Variants in ADCY6 observed in about 807,000 individuals in gnomAD.
ADCY6 encodes the protein adenylate cyclase 6.
ADCY6 carries 59 observed loss-of-function variants against 111.6 expected under a neutral mutation model. The observed-to-expected ratio is 0.53, with a 90% confidence interval of 0.43 to 0.66. ADCY6 has a LOEUF of 0.66. Among genes scored for constraint, ADCY6 ranks in the 30% least tolerant of loss-of-function variants. The pLI is 0.00. For synonymous variants in ADCY6, 576 were observed against 642.9 expected (o/e 0.90, Z 1.57); for missense variants, 1,242 against 1,595.6 (o/e 0.78, Z 3.78).
intron 12 of ADCY6, 52 bp from the exon 13 acceptor site, chr12:48,774,830 T>C (rs1419858077): frequency 6.3e-7 from 1 of 1,578,980 alleles, no homozygotes; most frequent in Non-Finnish European, 8.6e-7. Flanking sequence ...GATCTGGGCA[T>C]TCTTGTCCCA....
Position 48,783,436 on chromosome 12 carries a change from T to C in ADCY6, c.-2A>G. On this transcript the variant is annotated splice_region_variant and 5_prime_UTR_variant, in exon 2 of 22. Transcript: ENST00000357869. ...CAGGAGGCCACTAAACCATGACATG[T>C]TGCTGGTAGGGAAGGAAGGAGATAG... is the stretch of plus-strand genomic sequence containing the variant. The C allele has an allele frequency of 6.2e-7, 1 of 1,614,174 alleles. No homozygotes were observed. Among genetic ancestry groups the C allele is most frequent in the Non-Finnish European group, 8.5e-7 (1 of 1,180,018 alleles).
Position 48,777,567 on chromosome 12 carries a change from A to C in ADCY6, c.1137-46T>G. 1 of 1,612,668 alleles carries C rather than the reference A, an allele frequency of 6.2e-7. No homozygotes were observed. Among genetic ancestry groups the C allele is most frequent in the South Asian group, 1.1e-5 (1 of 91,062 alleles). The stretch of plus-strand genomic sequence containing the variant: ...TGAACAGAACACATAGCCCTCAAAG[A>C]CTTCCAGACCCCCCGCCCTGCTGGG... On this transcript the variant is annotated intron_variant, in intron 4 of 21. Coordinates refer to ENST00000357869, the MANE Select transcript of ADCY6 (RefSeq NM_015270.5). The surrounding 1 kb of genome is among the most constrained non-coding windows in gnomAD (Gnocchi z 4.9).
At chr12:48,773,895 C>G in intron 15 of ADCY6, 45 bp downstream of exon 15, 1 of 1,602,452 alleles carries the variant, frequency 6.2e-7, no homozygotes. Flanking sequence ...GGGCCAATGT[C>G]TGTGCCAGGA....
chr12:48,777,303 C>T lies in ADCY6; in HGVS notation c.1249-72G>A. 1 of 1,592,960 alleles carries T rather than the reference C, an allele frequency of 6.3e-7. No individual in the cohort carries two copies. ...CCACCCAGCCTGCATGGCCCACCAC[C>T]CTCCACGCATACTCTATCTGCCCTC... On this transcript the variant is annotated intron_variant, in intron 5 of 21. Coordinates refer to ENST00000357869, the MANE Select transcript of ADCY6 (RefSeq NM_015270.5). The surrounding 1 kb of genome is among the most constrained non-coding windows in gnomAD (Gnocchi z 4.9).
At position 48,777,323 on chromosome 12, in the gene ADCY6, G is replaced by A; in HGVS notation, c.1248+87C>T. 6.3e-7 allele frequency: 1 copy of A among 1,597,126 alleles called. No individual in the cohort carries two copies. Among genetic ancestry groups the A allele is most frequent in the Non-Finnish European group, 8.5e-7 (1 of 1,170,122 alleles). On this transcript the variant is annotated intron_variant, in intron 5 of 21. Coordinates refer to ENST00000357869, the MANE Select transcript of ADCY6 (RefSeq NM_015270.5). The surrounding 1 kb of genome is among the most constrained non-coding windows in gnomAD (Gnocchi z 4.9). Reference sequence around the variant, plus strand: ...ACCACCCTCCACGCATACTCTATCTGCCCTCAAATCCCCAGCTGCTGCCAG... The same window carrying A: ...ACCACCCTCCACGCATACTCTATCTACCCTCAAATCCCCAGCTGCTGCCAG...
chr12:48,787,335 G>C (rs1339278612), intron 1 of ADCY6, among the ~76,000 whole-genome samples: 1 of 150,768 alleles, frequency 6.6e-6, no homozygotes, highest in Non-Finnish European at 1.5e-5. Flanking sequence ...ACACATCCTA[G>C]CATCTGGCTC....
chr12:48,772,030 G>A, intron 18 of ADCY6, 57 bp from the exon 19 acceptor site: 2 of 1,559,518 alleles, frequency 1.3e-6, no homozygotes, highest in Middle Eastern at 1.7e-4. Context: ...TAGGTGTGGT[G>A]GCCAAGGCTT....
At position 48,776,407 on chromosome 12, in the gene ADCY6, C is replaced by A. The variant is rs375042832; in HGVS notation, c.1535+21G>T. 5.1e-5 allele frequency: 82 copies of A among 1,612,614 alleles called. No homozygotes were observed. Among genetic ancestry groups the A allele is most frequent in the South Asian group, 3.3e-4 (30 of 91,004 alleles). The stretch of plus-strand genomic sequence containing the variant: ...TCTCCCACCTTGCCCCCATCCCCCC[C>A]ACCTGGACCCCCCTACTCACCCAGC... On this transcript the variant is annotated intron_variant, in intron 7 of 21. Transcript: ENST00000357869. This position sits in a 1 kb window ranked among gnomAD's most constrained non-coding sequence, Gnocchi z 6.1.
intron 2 of ADCY6, among the ~76,000 whole-genome samples, chr12:48,778,872 ATTTTTTTTTTTT>A (rs1037254707): frequency 8.3e-5 from 6 of 72,412 alleles, no homozygotes; most frequent in African/African-American, 1.2e-4. Flanking sequence ...TGAATAACAC[ATTTTTTTTTTTT>A]TTTTTTTTTT....
rs1175078168 is a variant in ADCY6, at chr12:48,782,482, C to T, written c.864+89G>A. 1.4e-5 allele frequency: 21 copies of T among 1,492,770 alleles called. No homozygotes were observed. The highest frequency in any genetic ancestry group is 1.8e-5 in the Non-Finnish European group (20 of 1,120,050). 92.5% of individuals were successfully genotyped at this position (1,492,770 alleles called of 1,614,324 possible). ...GCACCCAGCTTCCACCCATGACTCA[C>T]CCGCCCTTCCTCACTAAGCCCCCAC... On this transcript the variant is annotated intron_variant, in intron 2 of 21. Transcript: ENST00000357869. This position sits in a 1 kb window ranked among gnomAD's most constrained non-coding sequence, Gnocchi z 4.3.
In ADCY6 at chr12:48,774,600, G is replaced by A. The variant is rs2137352893; in HGVS notation, c.2167-82C>T. The A allele has an allele frequency of 2.6e-5, 40 of 1,567,494 alleles. No individual in the cohort carries two copies. The South Asian group carries it at 4.3e-4, about 17-fold the overall frequency. ...ACCAGGGATGGGGCCCAGTGGAAGA[G>A]GCATGGCCTTCTCCCTCTCCCCATG... On this transcript the variant is annotated intron_variant, in intron 13 of 21. Transcript: ENST00000357869.
chr12:48,780,613 C>A (rs577120086), intron 2 of ADCY6, among the ~76,000 whole-genome samples: 1 of 152,182 alleles, frequency 6.6e-6, no homozygotes, highest in South Asian at 2.1e-4. Context: ...TGGGACTGCA[C>A]CTCCCCAGTC....
chr12:48,776,609 C>A lies in ADCY6; in HGVS notation c.1377-23G>T. The A allele has an allele frequency of 6.3e-7, 1 of 1,587,766 alleles. No homozygotes were observed. The stretch of plus-strand genomic sequence containing the variant: ...AGCCTGGGAGGATGCAGCCCCAGAT[C>A]AGCTCCTGGCAGTCTTCCCCTCCCC... On this transcript the variant is annotated intron_variant, in intron 6 of 21. Transcript: ENST00000357869. This position sits in a 1 kb window ranked among gnomAD's most constrained non-coding sequence, Gnocchi z 6.1.
Position 48,782,742 on chromosome 12 carries a change from G to A in ADCY6, c.693C>T (p.Asp231=), listed in dbSNP as rs1941877981. The A allele has an allele frequency of 6.2e-7, 1 of 1,605,622 alleles. No homozygotes were observed. The highest frequency in any genetic ancestry group is 8.5e-7 in the Non-Finnish European group (1 of 1,176,052). The change falls in exon 2 of 22, where the codon GAC becomes GAT. Residue 231 remains aspartate (D), a synonymous_variant. Transcript: ENST00000357869. This position sits in a 1 kb window ranked among gnomAD's most constrained non-coding sequence, Gnocchi z 4.3. ...AVQVGGALAA[D]PRSPSAGLWC... ...AGAGGCCCGCAGAGGGGCTGCGCGG[G>A]TCTGCTGCGAGAGCGCCCCCGACCT...
chr12:48,776,728 T>C lies in ADCY6; in HGVS notation c.1377-142A>G, dbSNP rs1321695328. 5 of 1,158,156 alleles carry C rather than the reference T, an allele frequency of 4.3e-6. No homozygotes were observed. The highest frequency in any genetic ancestry group is 5.6e-5 in the Admixed American group (2 of 35,650). The allele number at this position is 1,158,156 out of a possible 1,614,324, so 71.7% of individuals were successfully genotyped here. On this transcript the variant is annotated intron_variant, in intron 6 of 21. Transcript: ENST00000357869. This position sits in a 1 kb window ranked among gnomAD's most constrained non-coding sequence, Gnocchi z 6.1. ...ACGGGAGCACAGCCTTGGTTGGACA[T>C]GAGCAGAAGGCTGCATGGGGCTCAA...
In ADCY6 at chr12:48,775,445, C is replaced by A. The variant is rs762765743; in HGVS notation, c.1838G>T (p.Gly613Val). 1.2e-6 allele frequency: 2 copies of A among 1,613,868 alleles called. No homozygotes were observed. Among genetic ancestry groups the A allele is most frequent in the East Asian group, 4.5e-5 (2 of 44,884 alleles). The change falls in exon 11 of 22, where the codon GGC becomes GTC. Residue 613 changes from glycine (G) to valine (V), a missense_variant. By Grantham distance (109) the Gly-to-Val change is moderately radical. Transcript: ENST00000357869. ...GIDDSSKDNRGTQDALNPEDE... is the reference protein window; with the variant it reads ...GIDDSSKDNRVTQDALNPEDE... ...CTCAGGGTTCAGGGCATCTTGGGTG[C>A]CCCGGCTGAGGGCAGGAGACATGGT...
At position 48,778,092 on chromosome 12, in the gene ADCY6, C is replaced by T. The variant is rs117157859; in HGVS notation, c.1014+16G>A. The T allele has an allele frequency of 1.0e-3, 1,641 of 1,598,036 alleles. 29 individuals carry two copies. The East Asian group carries it at 0.03, about 30-fold the overall frequency. On this transcript the variant is annotated intron_variant, in intron 3 of 21. Transcript: ENST00000357869. ...GTAAGGTGGGGGCAGGCCCTGGTCA[C>T]GGGGAGCAGCCCCACCTGCTGCCGA...
Position 48,782,731 on chromosome 12 carries a change from G to T in ADCY6, c.704C>A (p.Pro235His). The T allele has an allele frequency of 1.2e-6, 2 of 1,600,062 alleles. No homozygotes were observed. Among genetic ancestry groups the T allele is most frequent in the Non-Finnish European group, 1.7e-6 (2 of 1,173,114 alleles). Residue 235 changes from proline to histidine, a missense_variant, in exon 2 of 22, where the codon CCC becomes CAC. Pro to His is a moderately conservative substitution (Grantham distance 77). Transcript: ENST00000357869. The surrounding 1 kb of genome is among the most constrained non-coding windows in gnomAD (Gnocchi z 4.3). ...GGALAADPRSPSAGLWCPVFF... is the reference protein window; with the variant it reads ...GGALAADPRSHSAGLWCPVFF... The stretch of plus-strand genomic sequence containing the variant: ...CACAGGGCACCAGAGGCCCGCAGAG[G>T]GGCTGCGCGGGTCTGCTGCGAGAGC...
rs1361431957 is a variant in ADCY6 at position 48,775,327 on chromosome 12, G to A, written c.1956C>T (p.Phe652=). The change falls in exon 11 of 22, where the codon TTC becomes TTT. Residue 652 remains phenylalanine (F), a synonymous_variant. Coordinates refer to ENST00000357869, the MANE Select transcript of ADCY6 (RefSeq NM_015270.5). ...CCTTCTTCTCAAGATCCTCTCTCTG[G>A]AAGGTGAGCAGAAACCGGCGCACAT... ...KDHVRRFLLT[F]QREDLEKKYS... 6.2e-6 allele frequency: 10 copies of A among 1,613,874 alleles called. No individual in the cohort carries two copies. The highest frequency in any genetic ancestry group is 5.0e-5 in the Admixed American group (3 of 59,974).
Sources: allele counts gnomAD v4.1 joint callset (sites outside exome capture counted in the v4.1 genomes callset), GRCh38; gene constraint gnomAD v4.1.1; non-coding constraint Gnocchi (gnomAD v3.1); transcripts MANE v1.5; gene names NCBI Gene and HGNC (gene_info 2026-07-23, HGNC 2026-07-21).